RBFOX1: variants seen among roughly 807,000 people sequenced by gnomAD.
RBFOX1 encodes RNA binding protein fox-1 homolog 1.
A neutral mutation model predicts 57.7 loss-of-function variants in RBFOX1; 8 were observed. The ratio of observed to expected loss-of-function variants is 0.14; its 90% confidence interval spans 0.08 to 0.25. The LOEUF is 0.25. RBFOX1 is among the 10% of genes least tolerant of loss of function. The pLI is 1.00. For synonymous variants in RBFOX1, 326 were observed against 222.4 expected (o/e 1.47, Z -4.15); for missense variants, 611 against 548.5 (o/e 1.11, Z -1.14).
chr16:6,749,953 A>G (rs2074592529), intron 3 of RBFOX1, among the ~76,000 whole-genome samples: 1 of 152,192 alleles, frequency 6.6e-6, no homozygotes, highest in African/African-American at 2.4e-5. Context: ...CAGAGTTAGT[A>G]GGCACACAAA....
At chr16:6,955,680 GGTAT>G (rs1348446630) in intron 3 of RBFOX1, among the ~76,000 whole-genome samples, 4 of 101,130 alleles carry the variant, frequency 4.0e-5, no homozygotes, top group African/African-American at 1.4e-4. Flanking sequence ...TATTTATTTA[GGTAT>G]GTATGTATTT....
intron 3 of RBFOX1, among the ~76,000 whole-genome samples, chr16:5,661,483 T>C (rs1352159144): frequency 1.3e-5 from 2 of 152,222 alleles, no homozygotes; most frequent in Non-Finnish European, 2.9e-5. Context: ...TAGTCTCCAG[T>C]AGATATCCAG....
intron 4 of RBFOX1, among the ~76,000 whole-genome samples, chr16:7,188,874 G>T (rs1213855806): frequency 1.3e-5 from 2 of 152,084 alleles, no homozygotes; most frequent in African/African-American, 4.8e-5. Flanking sequence ...TCAAGAAAAA[G>T]GTTTAAGGAA....
intron 2 of RBFOX1, among the ~76,000 whole-genome samples, chr16:6,477,658 C>T (rs2095294465): frequency 6.6e-6 from 1 of 152,130 alleles, no homozygotes; most frequent in African/African-American, 2.4e-5. Flanking sequence ...TTAAAGTTAC[C>T]AGCTGTATTA....
chr16:7,512,114 G>C (rs1041943419), intron 4 of RBFOX1, among the ~76,000 whole-genome samples: 1 of 152,148 alleles, frequency 6.6e-6, no homozygotes, highest in African/African-American at 2.4e-5. Flanking sequence ...AGGGAAAGGT[G>C]GGGGTTTGGC....
At chr16:6,370,780 A>C (rs1228325768) in intron 2 of RBFOX1, among the ~76,000 whole-genome samples, 1 of 152,230 alleles carries the variant, frequency 6.6e-6, no homozygotes, top group Non-Finnish European at 1.5e-5. Flanking sequence ...CAAGAATGCA[A>C]ATGTTCTTAA....
intron 3 of RBFOX1, among the ~76,000 whole-genome samples, chr16:5,768,883 T>C (rs565220852): frequency 3.9e-5 from 6 of 152,244 alleles, no homozygotes; most frequent in Non-Finnish European, 5.9e-5. Flanking sequence ...TTTGTTTGTT[T>C]GTTTGTTTTC....
At chr16:5,765,939 C>T (rs1288300343) in intron 3 of RBFOX1, among the ~76,000 whole-genome samples, 1 of 152,162 alleles carries the variant, frequency 6.6e-6, no homozygotes, top group Non-Finnish European at 1.5e-5. Flanking sequence ...CACTACCCAG[C>T]TACATGGTTA....
At chr16:5,341,936 G>T (rs925464732) in intron 1 of RBFOX1, among the ~76,000 whole-genome samples, 2 of 152,186 alleles carry the variant, frequency 1.3e-5, no homozygotes, top group Non-Finnish European at 2.9e-5. Context: ...AGCCATGGGG[G>T]ATACATTCTG....
At chr16:6,000,566 T>C (rs908950036) in intron 4 of RBFOX1, among the ~76,000 whole-genome samples, 79 of 152,270 alleles carry the variant, frequency 5.2e-4, no homozygotes, top group African/African-American at 1.8e-3. Context: ...CTGAATATTG[T>C]ATAACTAGCC....
chr16:7,445,290 T>G (rs2098799568), intron 4 of RBFOX1, among the ~76,000 whole-genome samples: 1 of 152,212 alleles, frequency 6.6e-6, no homozygotes, highest in Admixed American at 6.5e-5. Context: ...GTGTTTAATA[T>G]GCATAGAGCC....
At chr16:7,129,057 G>C (rs1248882638) in intron 4 of RBFOX1, among the ~76,000 whole-genome samples, 1 of 151,934 alleles carries the variant, frequency 6.6e-6, no homozygotes, top group African/African-American at 2.4e-5. Flanking sequence ...TTAACCTCGT[G>C]ATCCGCCCAC....
chr16:5,768,298 A>G (rs1264045453), intron 3 of RBFOX1, among the ~76,000 whole-genome samples: 1 of 152,228 alleles, frequency 6.6e-6, no homozygotes, highest in Non-Finnish European at 1.5e-5. Context: ...AATGTGCATC[A>G]AATGGGGGCC....
intron 3 of RBFOX1, among the ~76,000 whole-genome samples, chr16:5,795,395 C>G (rs28459995): frequency 0.091 from 13,895 of 151,966 alleles, 1,048 homozygotes; most frequent in African/African-American, 0.21. Context: ...TGTCAATCTT[C>G]TGGGCTCAAG....
intron 4 of RBFOX1, among the ~76,000 whole-genome samples, chr16:5,882,056 G>GTTAT (rs2057777685): frequency 6.6e-6 from 1 of 152,128 alleles, no homozygotes. Context: ...GTCAGTATTA[G>GTTAT]TTATTTACAT....
chr16:7,366,861 G>C (rs2097459930), intron 4 of RBFOX1, among the ~76,000 whole-genome samples: 1 of 152,076 alleles, frequency 6.6e-6, no homozygotes, highest in Non-Finnish European at 1.5e-5. Flanking sequence ...AGAATATGAA[G>C]AAGAAAGCGC....
intron 3 of RBFOX1, among the ~76,000 whole-genome samples, chr16:5,724,641 C>T (rs2151543518): frequency 6.6e-6 from 1 of 152,272 alleles, no homozygotes; most frequent in Non-Finnish European, 1.5e-5. Context: ...TCAGCATTGT[C>T]ACTCTTGTTT....
intron 3 of RBFOX1, among the ~76,000 whole-genome samples, chr16:6,899,370 C>G (rs12922029): frequency 0.43 from 64,737 of 151,978 alleles, 13,950 homozygotes; most frequent in South Asian, 0.48. Context: ...TTCTTCTTCC[C>G]TAGGCATTAA....
Position 6,925,109 on chromosome 16 carries a change from G to GTTTTTTTTTTTTTT in RBFOX1, c.-15-126919_-15-126906dup, listed in dbSNP as rs57556084. On this transcript the variant is annotated intron_variant, in intron 3 of 15. Transcript: ENST00000550418. ...TCGTTGTTGGACATCTAGGTTGTTG[G>GTTTTTTTTTTTTTT]TTTTTTTTTTTTTTTTTTTTTTTTT... Among the ~76,000 whole-genome samples the GTTTTTTTTTTTTTT allele has an allele frequency of 4.6e-4, 21 of 45,248 alleles. 1 individual carries two copies. The highest frequency in any genetic ancestry group is 1.5e-3 in the African/African-American group (17 of 11,330). 29.7% of individuals were successfully genotyped at this position (45,248 alleles called of 152,430 possible).
Sources: allele counts gnomAD v4.1 joint callset (sites outside exome capture counted in the v4.1 genomes callset), GRCh38; gene constraint gnomAD v4.1.1; transcripts MANE v1.5; gene names NCBI Gene and HGNC (gene_info 2026-07-23, HGNC 2026-07-21).